Variants in SURF4 observed in about 807,000 individuals in gnomAD.
SURF4 encodes surfeit locus protein 4.
SURF4 carries 3 observed loss-of-function variants against 30.0 expected under a neutral mutation model. The observed-to-expected ratio is 0.10, with a 90% CI of 0.05 to 0.26. SURF4 has a LOEUF of 0.26. SURF4 is among the 10% of genes least tolerant of loss of function. SURF4 has a pLI of 1.00. For missense variants in SURF4, 217 were observed against 350.8 expected (o/e 0.62, Z 3.05); for synonymous variants, 143 against 139.9 (o/e 1.02, Z -0.16).
rs2130133146 is a variant in SURF4, at chr9:133,366,815, G to A, written c.236-140C>T. ...CCCAAGCAAAAGACAACTTCTGGAAGAATTAATGATAGGCAAGGACCACAC... is the reference window on the plus strand; with the variant it reads ...CCCAAGCAAAAGACAACTTCTGGAAAAATTAATGATAGGCAAGGACCACAC... On this transcript the variant is annotated intron_variant, in intron 2 of 5. Transcript: ENST00000371989. The A allele has an allele frequency of 2.0e-4, 141 of 698,646 alleles. 1 individual carries two copies. The East Asian group carries it at 3.0e-3, about 15-fold the overall frequency. 43.3% of individuals were successfully genotyped at this position (698,646 alleles called of 1,614,324 possible).
At chr9:133,376,614 CCCT>C, upstream of SURF4, 24 of 1,465,046 alleles carry the variant, frequency 1.6e-5, no homozygotes, top group Non-Finnish European at 2.1e-5. Flanking sequence ...ACGGTCGCAA[CCCT>C]GGAGCTACGG....
rs1252155275 is a variant in SURF4, at chr9:133,363,157, G to A, written c.*336C>T. On this transcript the variant is annotated 3_prime_UTR_variant, in exon 6 of 6. Coordinates refer to ENST00000371989, the MANE Select transcript of SURF4 (RefSeq NM_033161.4). This position sits in a 1 kb window ranked among gnomAD's most constrained non-coding sequence, Gnocchi z 4.3. ...AATGCGTCTGCTCACAGTACAGCTT[G>A]AAGGCCCCCTCCTGTACCCCCACAA... 1 of 564,536 alleles carries A rather than the reference G, an allele frequency of 1.8e-6. No individual in the cohort carries two copies. 35.0% of individuals were successfully genotyped at this position (564,536 alleles called of 1,614,324 possible).
rs1422380302 is a variant in SURF4 at position 133,375,830 on chromosome 9, G to C, written c.48+92C>G. Reference sequence around the variant, plus strand: ...GAACAAGGAGTCAGGGGGCGGCCCGGGCCTGGCGCCCTGCGCTGGGAGGCC... The same window carrying C: ...GAACAAGGAGTCAGGGGGCGGCCCGCGCCTGGCGCCCTGCGCTGGGAGGCC... On this transcript the variant is annotated intron_variant, in intron 1 of 5. Transcript: ENST00000371989. 8 of 1,177,254 alleles carry C rather than the reference G, an allele frequency of 6.8e-6. No homozygotes were observed. The African/African-American group carries it at 1.1e-4, about 16-fold the overall frequency. The allele number at this position is 1,177,254 out of a possible 1,614,324, so 72.9% of individuals were successfully genotyped here.
At chr9:133,370,665 G>A (rs1837451666) in intron 1 of SURF4, among the ~76,000 whole-genome samples, 2 of 152,190 alleles carry the variant, frequency 1.3e-5, no homozygotes, top group African/African-American at 4.8e-5. Context: ...AACACAGGCA[G>A]GACACACAGC....
chr9:133,375,687 G>A (rs1269301642), intron 1 of SURF4, among the ~76,000 whole-genome samples: 2 of 152,126 alleles, frequency 1.3e-5, no homozygotes, highest in Admixed American at 1.3e-4. Context: ...TAGCCAGGCA[G>A]GGCGCCGAGG....
At chr9:133,368,139 A>G (rs1837287790) in intron 1 of SURF4, among the ~76,000 whole-genome samples, 1 of 152,234 alleles carries the variant, frequency 6.6e-6, no homozygotes, top group South Asian at 2.1e-4. Context: ...TGATGGTGCA[A>G]TGCCAAGACT....
At chr9:133,369,250 C>T (rs587734688) in intron 1 of SURF4, among the ~76,000 whole-genome samples, 5 of 152,172 alleles carry the variant, frequency 3.3e-5, no homozygotes, top group African/African-American at 4.8e-5. Flanking sequence ...TTTGACTCCA[C>T]GGAAGTGATG....
rs2130067359 is a variant in SURF4, at chr9:133,361,905, T to C, written c.*1588A>G. 7.9e-5 allele frequency: 12 copies of C among 152,022 alleles called. No individual in the cohort carries two copies. Among genetic ancestry groups the C allele is most frequent in the Admixed American group, 2.0e-4 (3 of 15,268 alleles). 9.4% of individuals were successfully genotyped at this position (152,022 alleles called of 1,614,324 possible). A position where few individuals can be genotyped will look rare whatever the true frequency, so the allele number is the denominator to read the frequency against. On this transcript the variant is annotated 3_prime_UTR_variant, in exon 6 of 6. Coordinates refer to ENST00000371989, the MANE Select transcript of SURF4 (RefSeq NM_033161.4). ...GGACCAAGAGACAGCCCTGGTGAGG[T>C]TGAAACACTGAGACAAGCCAGTCTT...
At chr9:133,369,978 T>C (rs1014146716) in intron 1 of SURF4, among the ~76,000 whole-genome samples, 18 of 151,934 alleles carry the variant, frequency 1.2e-4, no homozygotes, top group African/African-American at 4.4e-4. Flanking sequence ...AGCAGAGAGG[T>C]AGACTGCAAT....
In SURF4 at chr9:133,362,787, T is replaced by A. The variant is rs116430927; in HGVS notation, c.*706A>T. 981 of 155,842 alleles carry A rather than the reference T, an allele frequency of 6.3e-3. 6 individuals carry two copies. The highest frequency in any genetic ancestry group is 0.022 in the African/African-American group (925 of 41,580). 9.7% of individuals were successfully genotyped at this position (155,842 alleles called of 1,614,324 possible). A position where few individuals can be genotyped will look rare whatever the true frequency, so the allele number is the denominator to read the frequency against. On this transcript the variant is annotated 3_prime_UTR_variant, in exon 6 of 6. Coordinates refer to ENST00000371989, the MANE Select transcript of SURF4 (RefSeq NM_033161.4). ...CAGACCAGCAGCTTCCCCAAGGACT[T>A]CTTGCCCCTCCACCTTGCCTCAAGC...
chr9:133,376,740 C>G (rs1160617876), upstream of SURF4, among the ~76,000 whole-genome samples: 1 of 152,220 alleles, frequency 6.6e-6, no homozygotes, highest in Non-Finnish European at 1.5e-5. Flanking sequence ...GTGCCCTTTG[C>G]CACTCAGTTT....
chr9:133,375,470 C>A, intron 1 of SURF4: 1 of 956,816 alleles, frequency 1.0e-6, no homozygotes. Flanking sequence ...TCTGGGAGGA[C>A]CCCCGGCCCC....
chr9:133,365,860 G>A, intron 4 of SURF4, 125 bp downstream of exon 4: 2 of 944,054 alleles, frequency 2.1e-6, no homozygotes, highest in East Asian at 2.4e-5. Flanking sequence ...GCTCCAATGA[G>A]CACTTCCTTT....
At chr9:133,366,160 C>T (rs1837158278) in intron 3 of SURF4, 132 bp from the exon 4 acceptor site, 4 of 853,528 alleles carry the variant, frequency 4.7e-6, no homozygotes, top group Admixed American at 2.2e-5. Flanking sequence ...TGTAGGAGAC[C>T]GAGGACAGAT....
chr9:133,376,123 C>G (rs1837921891), upstream of SURF4: 1 of 1,205,936 alleles, frequency 8.3e-7, no homozygotes, highest in African/African-American at 1.6e-5. Context: ...TAGGCCAAGC[C>G]TTAAAGGGGC....
At chr9:133,376,665 C>CCTGGCCGACA, upstream of SURF4, 1 of 1,028,904 alleles carries the variant, frequency 9.7e-7, no homozygotes, top group Non-Finnish European at 1.4e-6. Flanking sequence ...GGGCCCGCGC[C>CCTGGCCGACA]CTGGCCAGTG....
At chr9:133,376,733 C>T (rs1397323546), upstream of SURF4, among the ~76,000 whole-genome samples, 1 of 152,220 alleles carries the variant, frequency 6.6e-6, no homozygotes, top group African/African-American at 2.4e-5. Context: ...CTCCTGGGTG[C>T]CCTTTGCCAC....
At chr9:133,370,038 G>A (rs1020509721) in intron 1 of SURF4, among the ~76,000 whole-genome samples, 2 of 152,194 alleles carry the variant, frequency 1.3e-5, no homozygotes, top group Non-Finnish European at 2.9e-5. Flanking sequence ...TCTAAAATGA[G>A]AGCTGTGAGC....
upstream of SURF4, among the ~76,000 whole-genome samples, chr9:133,377,730 A>C (rs1314358120): frequency 6.6e-6 from 1 of 152,016 alleles, no homozygotes; most frequent in African/African-American, 2.4e-5. Flanking sequence ...GTGGAAGACA[A>C]TTTTTCCACA....
Sources: gnomAD v4.1 joint callset for allele counts (sites outside exome capture counted in the v4.1 genomes callset) on GRCh38, gnomAD v4.1.1 for gene constraint, Gnocchi (gnomAD v3.1) non-coding constraint, MANE v1.5 for transcripts, NCBI Gene and HGNC (gene_info 2026-07-23, HGNC 2026-07-21) for gene names.